The following ATXN7L3 variants were observed in gnomAD, a reference collection of about 807,000 sequenced individuals.
ATXN7L3 encodes the protein ataxin 7 like 3.
Under a neutral mutation model 50.0 loss-of-function variants are expected in ATXN7L3, and 6 were observed. The ratio of observed to expected loss-of-function variants is 0.12; its 90% CI spans 0.07 to 0.24. The LOEUF is 0.24. ATXN7L3 is among the 10% of genes least tolerant of loss of function. The pLI is 1.00. For missense variants in ATXN7L3, 322 were observed against 451.3 expected, an observed-to-expected ratio of 0.71 and a Z score of 2.60; for synonymous variants, 198 against 165.8, an observed-to-expected ratio of 1.19 and a Z score of -1.49.
At chr17:44,196,835 T>A in intron 5 of ATXN7L3, 94 bp downstream of exon 5, 3 of 648,524 alleles carry the variant, frequency 4.6e-6, no homozygotes, top group Non-Finnish European at 8.3e-6. Flanking sequence ...TCTCTCTTCA[T>A]CATTCAAGGC....
intron 1 of ATXN7L3, 120 bp from the exon 2 acceptor site, chr17:44,198,250 AG>A: frequency 1.6e-6 from 1 of 613,248 alleles, no homozygotes; most frequent in South Asian, 2.1e-5. Context: ...TCCCTCCCCA[AG>A]GCCCAGGCTC....
chr17:44,194,924 C>T (rs985715290), intron 10 of ATXN7L3, 85 bp from the exon 11 acceptor site: 15 of 1,532,430 alleles, frequency 9.8e-6, no homozygotes, highest in Non-Finnish European at 1.4e-5. Flanking sequence ...CAGGCACAGA[C>T]AGGGAAGGGG....
chr17:44,194,661 C>T lies in ATXN7L3; in HGVS notation c.751G>A (p.Val251Ile). The T allele has an allele frequency of 6.2e-7, 1 of 1,614,132 alleles. No individual in the cohort carries two copies. Among genetic ancestry groups the T allele is most frequent in the East Asian group, 2.2e-5 (1 of 44,882 alleles). Residue 251 changes from valine to isoleucine, a missense_variant, in exon 12 of 13, where the codon GTC becomes ATC. By Grantham distance (29) the Val-to-Ile change is conservative. Transcript: ENST00000587097. ...CTGTCATTATCCAGGGAGCTCTCGA[C>T]CTCTGGAAGGACACTGGAAAGGGGA... ...FLGPSAVLPEVESSLDNDSFD... is the reference protein window; with the variant it reads ...FLGPSAVLPEIESSLDNDSFD...
At chr17:44,196,541 A>G (rs2055899210) in intron 5 of ATXN7L3, 123 bp from the exon 6 acceptor site, 1 of 1,280,958 alleles carries the variant, frequency 7.8e-7, no homozygotes. Context: ...GCACTTTGGG[A>G]GGCCCAGGCG....
chr17:44,197,571 C>A (rs1245899593), intron 3 of ATXN7L3, 27 bp downstream of exon 3: 3 of 1,614,126 alleles, frequency 1.9e-6, no homozygotes, highest in South Asian at 1.1e-5. Flanking sequence ...AAGGGCTGGA[C>A]TGCTGCTCCT....
rs1233395706 is a variant in ATXN7L3, at chr17:44,196,966, G to A, written c.417C>T (p.Ile139=). Residue 139 remains isoleucine (I), a synonymous_variant, in exon 5 of 13, where the codon ATC becomes ATT. Coordinates refer to ENST00000587097, the MANE Select transcript of ATXN7L3 (RefSeq NM_001382309.1). ...SESDQEDNDD[I]NDNDWSYGSE... is the part of the protein sequence containing the mutation. ...AGCCATAGGACCAGTCGTTGTCATTGATGTCATCATTATCTTCTTGGTCAC... is the reference window on the plus strand; with the variant it reads ...AGCCATAGGACCAGTCGTTGTCATTAATGTCATCATTATCTTCTTGGTCAC... 2.5e-6 allele frequency: 4 copies of A among 1,612,976 alleles called. No individual in the cohort carries two copies. Among genetic ancestry groups the A allele is most frequent in the East Asian group, 4.5e-5 (2 of 44,828 alleles).
At position 44,194,255 on chromosome 17, in the gene ATXN7L3, C is replaced by T. The variant is rs1227511613; in HGVS notation, c.*8G>A. The T allele has an allele frequency of 6.2e-7, 1 of 1,613,810 alleles. No homozygotes were observed. Among genetic ancestry groups the T allele is most frequent in the Non-Finnish European group, 8.5e-7 (1 of 1,179,912 alleles). ...CTGCTCAGCCAAAGGCTATCCCTTG[C>T]ACCCAAGTCAGTTGATGTCATCATA... On this transcript the variant is annotated 3_prime_UTR_variant, in exon 13 of 13. Transcript: ENST00000587097.
intron 2 of ATXN7L3, 117 bp from the exon 3 acceptor site, chr17:44,197,847 C>T: frequency 6.5e-7 from 1 of 1,543,360 alleles, no homozygotes; most frequent in Non-Finnish European, 8.9e-7. Flanking sequence ...TGCCATTTTC[C>T]CCATCTTGAC....
At chr17:44,194,891 T>A in intron 10 of ATXN7L3, 52 bp from the exon 11 acceptor site, 1 of 1,594,552 alleles carries the variant, frequency 6.3e-7, no homozygotes, top group Non-Finnish European at 8.6e-7. Context: ...GTAAAGCCCC[T>A]CCCCTCGGCA....
chr17:44,198,233 G>A (rs1482736129), intron 1 of ATXN7L3, 103 bp from the exon 2 acceptor site: 1 of 663,992 alleles, frequency 1.5e-6, no homozygotes, highest in Non-Finnish European at 2.6e-6. Flanking sequence ...CCTGGCATCA[G>A]GGTCTCTCCC....
At chr17:44,196,799 A>AT in intron 5 of ATXN7L3, 130 bp downstream of exon 5, 2 of 585,120 alleles carry the variant, frequency 3.4e-6, no homozygotes, top group Non-Finnish European at 5.9e-6. Flanking sequence ...AAAAAAAAAA[A>AT]GGAAAAGGAA....
At position 44,193,296 on chromosome 17, in the gene ATXN7L3, T is replaced by C. The variant is rs1333139280; in HGVS notation, c.*967A>G. 1.3e-5 allele frequency: 2 copies of C among 152,148 alleles called. No homozygotes were observed. The highest frequency in any genetic ancestry group is 3.9e-4 in the East Asian group (2 of 5,170). 9.4% of individuals were successfully genotyped at this position (152,148 alleles called of 1,614,324 possible). A position where few individuals can be genotyped will look rare whatever the true frequency, so the allele number is the denominator to read the frequency against. The stretch of plus-strand genomic sequence containing the variant: ...CTGAAGCCAGTCAAGGTGAAGGGGG[T>C]GGAAGCAGCAGTTGGGAACCTGGGC... On this transcript the variant is annotated 3_prime_UTR_variant, in exon 13 of 13. Transcript: ENST00000587097.
intron 2 of ATXN7L3, 138 bp downstream of exon 2, chr17:44,197,882 T>C: frequency 6.6e-7 from 1 of 1,518,360 alleles, no homozygotes; most frequent in Non-Finnish European, 9.1e-7. Flanking sequence ...TCTTCCTGGA[T>C]CCTTGGCTTT....
chr17:44,193,904 C>T lies in ATXN7L3; in HGVS notation c.*359G>A, dbSNP rs1342820748. The T allele has an allele frequency of 1.7e-5, 4 of 237,098 alleles. No individual in the cohort carries two copies. Among genetic ancestry groups the T allele is most frequent in the South Asian group, 6.2e-5 (1 of 16,060 alleles). 14.7% of individuals were successfully genotyped at this position (237,098 alleles called of 1,614,324 possible). ...GTCGCCACATTGCCCCTCAGCAGGG[C>T]TTAGTCCAGTTCCTGGGGTGGGGGG... is the stretch of plus-strand genomic sequence containing the variant. On this transcript the variant is annotated 3_prime_UTR_variant, in exon 13 of 13. Coordinates refer to ENST00000587097, the MANE Select transcript of ATXN7L3 (RefSeq NM_001382309.1).
intron 4 of ATXN7L3, 62 bp from the exon 5 acceptor site, chr17:44,197,088 C>T: frequency 6.4e-7 from 1 of 1,554,752 alleles, no homozygotes; most frequent in South Asian, 1.1e-5. Context: ...TCAAGGTGGT[C>T]ACCCCGCTCT....
rs1219253965 is a variant in ATXN7L3 at position 44,193,474 on chromosome 17, T to C, written c.*789A>G. 1.3e-5 allele frequency: 2 copies of C among 152,678 alleles called. No homozygotes were observed. The highest frequency in any genetic ancestry group is 4.8e-5 in the African/African-American group (2 of 41,424). The allele number at this position is 152,678 out of a possible 1,614,324, so 9.5% of individuals were successfully genotyped here. On this transcript the variant is annotated 3_prime_UTR_variant, in exon 13 of 13. Coordinates refer to ENST00000587097, the MANE Select transcript of ATXN7L3 (RefSeq NM_001382309.1). ...CCCTCTCACCTTGGGGCCCCACTCC[T>C]CACCAGCCCTGGGTCAGGGAGGAGA...
intron 7 of ATXN7L3, 73 bp from the exon 8 acceptor site, chr17:44,195,901 G>C: frequency 6.4e-7 from 1 of 1,574,434 alleles, no homozygotes. Context: ...AATAACCAGA[G>C]AGGAAGTGGG....
chr17:44,198,830 C>T (rs1012964824), intron 1 of ATXN7L3: 1 of 152,588 alleles, frequency 6.6e-6, no homozygotes, highest in Non-Finnish European at 1.5e-5. Context: ...ACCCGCCCTC[C>T]CTCAGGACCA....
At chr17:44,195,849 G>A (rs778080733) in intron 7 of ATXN7L3, 21 bp from the exon 8 acceptor site, 59 of 1,608,522 alleles carry the variant, frequency 3.7e-5, no homozygotes, top group Non-Finnish European at 4.8e-5. Flanking sequence ...AAAAAGAAGG[G>A]GAAGGGTGTT....
Sources: allele counts gnomAD v4.1 joint callset, GRCh38; gene constraint gnomAD v4.1.1; transcripts MANE v1.5; gene names NCBI Gene and HGNC (gene_info 2026-07-23, HGNC 2026-07-21).